The following CERS3 variants were observed in gnomAD, a reference collection of about 807,000 sequenced individuals.
CERS3 encodes LAG1 homolog, ceramide synthase 3.
Under a neutral mutation model 50.3 loss-of-function variants are expected in CERS3, and 33 were observed. That is an observed-to-expected ratio of 0.66 (90% CI 0.50 to 0.88). CERS3 has a LOEUF of 0.88. Ranked by LOEUF, CERS3 falls within the 40% of genes least tolerant of loss-of-function variation. CERS3 has a pLI of 0.00. For missense variants in CERS3, 470 were observed against 460.3 expected (o/e 1.02, Z -0.19); for synonymous variants, 176 against 155.2 (o/e 1.13, Z -0.99).
chr15:100,495,479 C>A (rs1367599985), intron 3 of CERS3, among the ~76,000 whole-genome samples: 1 of 152,142 alleles, frequency 6.6e-6, no homozygotes, highest in Non-Finnish European at 1.5e-5. Flanking sequence ...CTTACTCTGA[C>A]ATTTTTGCTA....
At chr15:100,422,687 A>G (rs1448849771) in intron 11 of CERS3, among the ~76,000 whole-genome samples, 5 of 83,812 alleles carry the variant, frequency 6.0e-5, no homozygotes. Context: ...AACCAACCCA[A>G]ATGTCCAACA....
intron 11 of CERS3, among the ~76,000 whole-genome samples, chr15:100,449,841 G>T (rs2034088201): frequency 6.6e-6 from 1 of 152,006 alleles, no homozygotes; most frequent in Non-Finnish European, 1.5e-5. Flanking sequence ...AAAAAGCAAG[G>T]AAATCTAATA....
intron 2 of CERS3, among the ~76,000 whole-genome samples, chr15:100,509,596 A>C (rs1217871563): frequency 6.6e-6 from 1 of 152,216 alleles, no homozygotes; most frequent in African/African-American, 2.4e-5. Context: ...GATGCGCTTG[A>C]GTTCACATTC....
chr15:100,437,731 C>T (rs1003590813), intron 11 of CERS3: 5 of 152,162 alleles, frequency 3.3e-5, no homozygotes, highest in Non-Finnish European at 4.4e-5. Flanking sequence ...GTTCTAAGGG[C>T]TTTATCCTTC....
At chr15:100,446,387 G>C (rs2587800) in intron 11 of CERS3, among the ~76,000 whole-genome samples, 2 of 88,546 alleles carry the variant, frequency 2.3e-5, no homozygotes, top group Non-Finnish European at 4.8e-5. Flanking sequence ...TTTTTCTTTA[G>C]ATTAACCGAG....
chr15:100,542,660 A>G (rs1241381474), intron 1 of CERS3, among the ~76,000 whole-genome samples: 1 of 152,246 alleles, frequency 6.6e-6, no homozygotes, highest in Middle Eastern at 3.2e-3. Context: ...TATTACTACC[A>G]TAGGGCACTT....
At chr15:100,440,319 G>C (rs911933070) in intron 11 of CERS3, among the ~76,000 whole-genome samples, 3 of 152,172 alleles carry the variant, frequency 2.0e-5, no homozygotes, top group African/African-American at 7.2e-5. Context: ...TACACATCCA[G>C]ATGGCCTGTT....
At chr15:100,499,179 C>T (rs989680106) in intron 3 of CERS3, among the ~76,000 whole-genome samples, 9 of 152,154 alleles carry the variant, frequency 5.9e-5, no homozygotes, top group Non-Finnish European at 1.2e-4. Flanking sequence ...ACCACCTGCA[C>T]CCCTGCCTTG....
chr15:100,495,565 T>C (rs2035785628), intron 3 of CERS3, among the ~76,000 whole-genome samples: 1 of 152,232 alleles, frequency 6.6e-6, no homozygotes, highest in Non-Finnish European at 1.5e-5. Context: ...GTGCTTGTTT[T>C]CTATTTGTAT....
intron 6 of CERS3, 100 bp downstream of exon 6, chr15:100,479,889 G>T: frequency 1.2e-6 from 1 of 821,286 alleles, no homozygotes; most frequent in Non-Finnish European, 2.0e-6. Flanking sequence ...CTCTAAAACT[G>T]GTTATCTTAT....
intron 1 of CERS3, among the ~76,000 whole-genome samples, chr15:100,524,184 G>A (rs576719549): frequency 1.2e-4 from 18 of 152,100 alleles, no homozygotes; most frequent in Non-Finnish European, 2.6e-4. Flanking sequence ...CAGAAATGTT[G>A]TAGAGTGTAA....
At chr15:100,525,559 T>C (rs975584042) in intron 1 of CERS3, among the ~76,000 whole-genome samples, 2 of 152,208 alleles carry the variant, frequency 1.3e-5, no homozygotes, top group Non-Finnish European at 2.9e-5. Context: ...CTGAAGCCCA[T>C]TTACAATTGA....
At chr15:100,470,723 A>G (rs1243600214) in intron 9 of CERS3, among the ~76,000 whole-genome samples, 4 of 152,182 alleles carry the variant, frequency 2.6e-5, no homozygotes, top group Admixed American at 2.0e-4. Context: ...CTTGCTAAGT[A>G]TCAGTCAGGA....
At chr15:100,474,964 A>G (rs2035080867) in intron 8 of CERS3, among the ~76,000 whole-genome samples, 1 of 152,222 alleles carries the variant, frequency 6.6e-6, no homozygotes, top group South Asian at 2.1e-4. Context: ...ATTTATATTT[A>G]ATTTTTAAGA....
At chr15:100,459,205 A>G (rs1484512195) in intron 10 of CERS3, among the ~76,000 whole-genome samples, 3 of 152,146 alleles carry the variant, frequency 2.0e-5, no homozygotes, top group Admixed American at 2.0e-4. Flanking sequence ...TTTTATAGAT[A>G]TATCATAATT....
intron 3 of CERS3, among the ~76,000 whole-genome samples, chr15:100,495,275 G>A (rs1040938704): frequency 9.9e-5 from 15 of 152,216 alleles, no homozygotes; most frequent in African/African-American, 3.1e-4. Flanking sequence ...GATGGAGAGG[G>A]CAAGATGGGA....
intron 11 of CERS3, among the ~76,000 whole-genome samples, chr15:100,407,567 T>G (rs574800867): frequency 2.6e-5 from 4 of 152,254 alleles, no homozygotes; most frequent in Non-Finnish European, 5.9e-5. Context: ...TTTTAATATA[T>G]TCTGAATTTT....
chr15:100,425,003 A>C (rs987031471), intron 11 of CERS3, among the ~76,000 whole-genome samples: 4 of 146,258 alleles, frequency 2.7e-5, no homozygotes, highest in South Asian at 4.6e-4. Flanking sequence ...CAAGCCAAAA[A>C]CCTTGGCGGC....
chr15:100,478,313 T>C (rs150852325), intron 7 of CERS3, among the ~76,000 whole-genome samples: 5 of 152,244 alleles, frequency 3.3e-5, no homozygotes, highest in Non-Finnish European at 5.9e-5. Flanking sequence ...GTAGAAAATA[T>C]CCAGAATAGT....
Sources: allele counts gnomAD v4.1 joint callset (sites outside exome capture counted in the v4.1 genomes callset), GRCh38; gene constraint gnomAD v4.1.1; transcripts MANE v1.5; gene names NCBI Gene and HGNC (gene_info 2026-07-23, HGNC 2026-07-21).